NECAB2: variants seen among roughly 807,000 people sequenced by gnomAD.
NECAB2 encodes N-terminal EF-hand calcium binding protein 2, also known as N-terminal EF-hand calcium-binding protein 2.
A neutral mutation model predicts 51.9 loss-of-function variants in NECAB2; 68 were observed. The observed-to-expected ratio is 1.31, with a 90% CI of 1.08 to 1.60. The LOEUF is 1.60. Ranked by LOEUF, NECAB2 falls within the 40% of genes most tolerant of loss-of-function variation. The pLI, the probability that NECAB2 is intolerant of heterozygous loss-of-function variation, is 0.00. For missense variants in NECAB2, 854 were observed against 490.3 expected, an observed-to-expected ratio of 1.74 and a Z score of -7.00; for synonymous variants, 329 against 203.5, an observed-to-expected ratio of 1.62 and a Z score of -5.25.
chr16:83,982,589 TTTCTC>T (rs2084502225), intron 5 of NECAB2, among the ~76,000 whole-genome samples: 1 of 152,150 alleles, frequency 6.6e-6, no homozygotes, highest in African/African-American at 2.4e-5. Context: ...GAGCCTCGGT[TTTCTC>T]ACCTTAGAAG....
chr16:84,000,254 G>A (rs1207264760), intron 10 of NECAB2, among the ~76,000 whole-genome samples: 1 of 152,148 alleles, frequency 6.6e-6, no homozygotes, highest in Non-Finnish European at 1.5e-5. Flanking sequence ...TTTCAGCTGG[G>A]CACAGTGGCT....
chr16:84,001,767 G>A (rs2084840892), intron 11 of NECAB2, 58 bp from the exon 12 acceptor site: 3 of 1,578,182 alleles, frequency 1.9e-6, no homozygotes, highest in Non-Finnish European at 2.6e-6. Context: ...TAACAGGGGA[G>A]CCACACGCGG....
In NECAB2 at chr16:83,994,089, T is replaced by C. The variant is rs149361639; in HGVS notation, c.597-213T>C. ...GTCCTAGAATGGAGCTGAATTCGAA[T>C]CCCAGCTCTGCCCAGCTAGCTGCGT... is the stretch of plus-strand genomic sequence containing the variant. On this transcript the variant is annotated intron_variant, in intron 6 of 12. Transcript: ENST00000305202. Among the ~76,000 whole-genome samples the C allele has an allele frequency of 2.7e-3, 408 of 152,298 alleles. 3 individuals carry two copies. The highest frequency in any genetic ancestry group is 9.1e-3 in the African/African-American group (378 of 41,570).
upstream of NECAB2, chr16:83,965,921 G>C: frequency 1.9e-6 from 3 of 1,612,616 alleles, no homozygotes; most frequent in Non-Finnish European, 2.5e-6. Context: ...GCCGCTGGCC[G>C]GGGACAACTT....
chr16:83,980,952 G>A, intron 4 of NECAB2, 78 bp from the exon 5 acceptor site: 1 of 1,606,558 alleles, frequency 6.2e-7, no homozygotes, highest in Non-Finnish European at 8.5e-7. Flanking sequence ...GCTGGAGGTA[G>A]CGCAGGTGGG....
At position 84,002,387 on chromosome 16, in the gene NECAB2, C is replaced by A; in HGVS notation, c.*41C>A. 1 of 1,600,736 alleles carries A rather than the reference C, an allele frequency of 6.2e-7. No homozygotes were observed. The highest frequency in any genetic ancestry group is 1.5e-5 in the African/African-American group (1 of 68,472). ...CCGTGGAGGAGCCCACCAGCCCCTT[C>A]TTCTTGTGAAGGAAATCCCGTTTTT... On this transcript the variant is annotated 3_prime_UTR_variant, in exon 13 of 13. Coordinates refer to ENST00000305202, the MANE Select transcript of NECAB2 (RefSeq NM_019065.3).
intron 11 of NECAB2, among the ~76,000 whole-genome samples, chr16:84,001,528 C>T (rs548307443): frequency 2.8e-4 from 42 of 152,236 alleles, no homozygotes; most frequent in Admixed American, 1.6e-3. Context: ...GGGTCCCAGG[C>T]AGAGGATGGC....
At chr16:83,976,949 A>G (rs1420635143) in intron 2 of NECAB2, among the ~76,000 whole-genome samples, 1 of 152,242 alleles carries the variant, frequency 6.6e-6, no homozygotes, top group Non-Finnish European at 1.5e-5. Flanking sequence ...TTCTCAACCC[A>G]AGTACGTCTG....
At position 84,002,538 on chromosome 16, in the gene NECAB2, C is replaced by T. The variant is rs146385412; in HGVS notation, c.*192C>T. 159 of 705,758 alleles carry T rather than the reference C, an allele frequency of 2.3e-4. No homozygotes were observed. Among genetic ancestry groups the T allele is most frequent in the Admixed American group, 5.2e-4 (20 of 38,384 alleles). The allele number at this position is 705,758 out of a possible 1,614,324, so 43.7% of individuals were successfully genotyped here. A position where few individuals can be genotyped will look rare whatever the true frequency, so the allele number is the denominator to read the frequency against. ...CTGAGAAGGCAGAGCAGTGTCTGTG[C>T]TGCCAGGTCCTGGTGAAGCCCAAGG... On this transcript the variant is annotated 3_prime_UTR_variant, in exon 13 of 13. Coordinates refer to ENST00000305202, the MANE Select transcript of NECAB2 (RefSeq NM_019065.3).
In NECAB2 at chr16:83,968,382, T is replaced by TGCGCCC. The variant is rs1285945779; in HGVS notation, c.-260_-255dup. 5.3e-5 allele frequency among the ~76,000 whole-genome samples: 8 copies of TGCGCCC among 149,620 alleles called. No individual in the cohort carries two copies. The highest frequency in any genetic ancestry group is 8.9e-5 in the Non-Finnish European group (6 of 67,238). Reference sequence around the variant, plus strand: ...CCCTCCGGGTAGCCCCCTCTGTGGCTGCGCCCGCGCCCCTCGCCCCGGCGG... The same window carrying TGCGCCC: ...CCCTCCGGGTAGCCCCCTCTGTGGCTGCGCCCGCGCCCGCGCCCCTCGCCCCGGCGG... On this transcript the variant is annotated 5_prime_UTR_variant, in exon 1 of 13. Coordinates refer to ENST00000305202, the MANE Select transcript of NECAB2 (RefSeq NM_019065.3).
At chr16:83,979,238 C>T (rs760668120) in intron 3 of NECAB2, among the ~76,000 whole-genome samples, 1 of 152,214 alleles carries the variant, frequency 6.6e-6, no homozygotes, top group Non-Finnish European at 1.5e-5. Flanking sequence ...CAGGAGGGAT[C>T]AGAGCCCCAC....
chr16:84,000,935 T>G (rs899592937), intron 11 of NECAB2, 134 bp downstream of exon 11: 14 of 827,594 alleles, frequency 1.7e-5, no homozygotes, highest in South Asian at 1.6e-4. Flanking sequence ...ATCTACCCGC[T>G]GGCATGCTTG....
At chr16:84,000,937 G>C (rs918603420) in intron 11 of NECAB2, 136 bp downstream of exon 11, 1 of 812,162 alleles carries the variant, frequency 1.2e-6, no homozygotes, top group East Asian at 2.6e-5. Flanking sequence ...CTACCCGCTG[G>C]CATGCTTGCG....
Position 83,968,552 on chromosome 16 carries a change from G to C in NECAB2, c.-97G>C. 1.1e-6 allele frequency: 1 copy of C among 926,874 alleles called. No individual in the cohort carries two copies. The highest frequency in any genetic ancestry group is 1.3e-6 in the Non-Finnish European group (1 of 779,516). The allele number at this position is 926,874 out of a possible 1,614,324, so 57.4% of individuals were successfully genotyped here. On this transcript the variant is annotated 5_prime_UTR_variant, in exon 1 of 13. Transcript: ENST00000305202. ...GCGGGGGCAGCGGGAGAGAGGGCGG[G>C]GCGGCGCGGGCAGCGCGGGGAGGGG...
intron 10 of NECAB2, 45 bp from the exon 11 acceptor site, chr16:84,000,679 T>G (rs779639977): frequency 1.3e-6 from 2 of 1,583,450 alleles, no homozygotes; most frequent in African/African-American, 1.3e-5. Context: ...TGAGGTGGCC[T>G]TGGTTGAGCT....
intron 5 of NECAB2, among the ~76,000 whole-genome samples, chr16:83,988,335 C>G (rs1597212677): frequency 6.6e-6 from 1 of 151,978 alleles, no homozygotes; most frequent in African/African-American, 2.4e-5. Context: ...ATGTACAATT[C>G]CTAGTTTTCA....
At chr16:83,985,466 C>G (rs971241225) in intron 5 of NECAB2, among the ~76,000 whole-genome samples, 1 of 149,722 alleles carries the variant, frequency 6.7e-6, no homozygotes, top group African/African-American at 2.5e-5. Flanking sequence ...AACCCCGTCT[C>G]TACTAAAAAT....
chr16:83,990,377 T>A (rs1338864822), intron 5 of NECAB2, 117 bp from the exon 6 acceptor site: 1 of 1,372,920 alleles, frequency 7.3e-7, no homozygotes, highest in East Asian at 2.3e-5. Flanking sequence ...GGGTCCTCCC[T>A]TCCCTTTGCA....
chr16:83,973,836 G>T (rs764437739), intron 2 of NECAB2, among the ~76,000 whole-genome samples: 2 of 152,168 alleles, frequency 1.3e-5, no homozygotes, highest in Non-Finnish European at 2.9e-5. Flanking sequence ...TGTTGGGAAT[G>T]CGTGTGTCCA....
Sources: allele counts gnomAD v4.1 joint callset (sites outside exome capture counted in the v4.1 genomes callset), GRCh38; gene constraint gnomAD v4.1.1; transcripts MANE v1.5; gene names NCBI Gene and HGNC (gene_info 2026-07-23, HGNC 2026-07-21).